ASB18: variants seen among roughly 807,000 people sequenced by gnomAD.
ASB18 encodes ankyrin repeat and SOCS box containing 18.
A neutral mutation model predicts 33.4 loss-of-function variants in ASB18; 33 were observed. The observed-to-expected ratio is 0.99, with a 90% CI of 0.75 to 1.32. The LOEUF (loss-of-function observed/expected upper bound fraction) is 1.32, where lower values mean the gene tolerates loss of function less well. Among genes scored for constraint, ASB18 ranks in the 40% most tolerant of loss-of-function variants. The probability of loss-of-function intolerance (pLI) is 0.00; values close to 1 mark genes in which losing one functional copy is unlikely to be tolerated. For synonymous variants in ASB18, 295 were observed against 307.6 expected (o/e 0.96, Z 0.43); for missense variants, 694 against 655.5 (o/e 1.06, Z -0.64).
chr2:236,227,429 T>C (rs2060545970), intron 3 of ASB18, among the ~76,000 whole-genome samples: 1 of 152,240 alleles, frequency 6.6e-6, no homozygotes, highest in South Asian at 2.1e-4. Flanking sequence ...CTAGGTGCTC[T>C]TCTAAGCAAA....
At position 236,259,595 on chromosome 2, in the gene ASB18, C is replaced by T. The variant is rs1198219299; in HGVS notation, c.205+4546G>A. ...GCATGGGGTCGGAAGGATGAGATGG[C>T]AAAGGTGAGCAGAGGAGGTGCAGCC... On this transcript the variant is annotated intron_variant, in intron 1 of 5. Transcript: ENST00000409749. The surrounding 1 kb of genome is among the most constrained non-coding windows in gnomAD (Gnocchi z 4.4). 2 of 471,034 alleles carry T rather than the reference C, an allele frequency of 4.2e-6. No individual in the cohort carries two copies. Among genetic ancestry groups the T allele is most frequent in the Admixed American group, 4.7e-5 (2 of 42,562 alleles). 29.2% of individuals were successfully genotyped at this position (471,034 alleles called of 1,614,324 possible).
Position 236,214,777 on chromosome 2 carries a change from C to T in ASB18, c.686G>A (p.Arg229His), listed in dbSNP as rs1015310630. Residue 229 changes from arginine to histidine, a missense_variant, in exon 4 of 6, where the codon CGC becomes CAC. By Grantham distance (29) the Arg-to-His change is conservative. Coordinates refer to ENST00000409749, the MANE Select transcript of ASB18 (RefSeq NM_212556.4). The surrounding 1 kb of genome is among the most constrained non-coding windows in gnomAD (Gnocchi z 6.5). ...CAGGCGCGCGTGCTCGTCCAGGCCG[C>T]GCTGCGCCGCCACGTGCAGCGGCGT... is the stretch of plus-strand genomic sequence containing the variant. ...RDTPLHVAAQ[R>H]GLDEHARLYL... 16 of 1,195,238 alleles carry T rather than the reference C, an allele frequency of 1.3e-5. No homozygotes were observed. The highest frequency in any genetic ancestry group is 1.6e-5 in the Non-Finnish European group (15 of 964,312). The allele number at this position is 1,195,238 out of a possible 1,614,324, so 74.0% of individuals were successfully genotyped here.
In ASB18 at chr2:236,234,123, C is replaced by G. The variant is rs889985607; in HGVS notation, c.596+3566G>C. Among the ~76,000 whole-genome samples the G allele has an allele frequency of 1.3e-5, 2 of 152,224 alleles. No homozygotes were observed. The highest frequency in any genetic ancestry group is 2.9e-5 in the Non-Finnish European group (2 of 68,040). On this transcript the variant is annotated intron_variant, in intron 3 of 5. Transcript: ENST00000409749. This position sits in a 1 kb window ranked among gnomAD's most constrained non-coding sequence, Gnocchi z 4.1. ...GGCACCTTGGTGACCCTGCACATAT[C>G]CACATAGGCCACAAAGCAAAACTGG...
chr2:236,215,214 A>T lies in ASB18; in HGVS notation c.597-348T>A, dbSNP rs1211572135. 2.0e-5 allele frequency among the ~76,000 whole-genome samples: 3 copies of T among 152,010 alleles called. No homozygotes were observed. The highest frequency in any genetic ancestry group is 1.3e-4 in the Admixed American group (2 of 15,256). ...ACTGGTTACCTGAGCTCTTTGTCACACCTGGAGGTTAAGGGTTTGGCAGTC... is the reference window on the plus strand; with the variant it reads ...ACTGGTTACCTGAGCTCTTTGTCACTCCTGGAGGTTAAGGGTTTGGCAGTC... On this transcript the variant is annotated intron_variant, in intron 3 of 5. Coordinates refer to ENST00000409749, the MANE Select transcript of ASB18 (RefSeq NM_212556.4). The surrounding 1 kb of genome is among the most constrained non-coding windows in gnomAD (Gnocchi z 7.2).
intron 4 of ASB18, among the ~76,000 whole-genome samples, chr2:236,199,558 G>A (rs2060389403): frequency 6.7e-6 from 1 of 148,998 alleles, no homozygotes; most frequent in African/African-American, 2.5e-5. Flanking sequence ...TATCAGAGAG[G>A]GATATATATG....
In ASB18 at chr2:236,236,975, G is replaced by A. The variant is rs1034513022; in HGVS notation, c.596+714C>T. 5.6e-4 allele frequency among the ~76,000 whole-genome samples: 85 copies of A among 152,280 alleles called. 1 individual carries two copies. The highest frequency in any genetic ancestry group is 2.0e-3 in the African/African-American group (85 of 41,574). ...CTGTGCAAAGACAGGTGGCCCCGCT[G>A]CCTTTCCGAGACCCGGAGCACACGC... On this transcript the variant is annotated intron_variant, in intron 3 of 5. Transcript: ENST00000409749.
rs1156316940 is a variant in ASB18 at position 236,248,615 on chromosome 2, A to G, written c.206-7213T>C. 6.6e-6 allele frequency: 1 copy of G among 152,188 alleles called. No individual in the cohort carries two copies. The highest frequency in any genetic ancestry group is 1.9e-4 in the East Asian group (1 of 5,202). 9.4% of individuals were successfully genotyped at this position (152,188 alleles called of 1,614,324 possible). Reference sequence around the variant, plus strand: ...CTCAAAAAAAAAAAAAAGAAAGAAAAAAGAGTCCCCAGGTACTTCTAACAT... The same window carrying G: ...CTCAAAAAAAAAAAAAAGAAAGAAAGAAGAGTCCCCAGGTACTTCTAACAT... On this transcript the variant is annotated intron_variant, in intron 1 of 5. Coordinates refer to ENST00000409749, the MANE Select transcript of ASB18 (RefSeq NM_212556.4). This position sits in a 1 kb window ranked among gnomAD's most constrained non-coding sequence, Gnocchi z 4.9.
In ASB18 at chr2:236,216,135, G is replaced by A. The variant is rs978679312; in HGVS notation, c.597-1269C>T. 6.6e-5 allele frequency among the ~76,000 whole-genome samples: 10 copies of A among 152,094 alleles called. No individual in the cohort carries two copies. Among genetic ancestry groups the A allele is most frequent in the South Asian group, 2.1e-4 (1 of 4,804 alleles). On this transcript the variant is annotated intron_variant, in intron 3 of 5. Transcript: ENST00000409749. The surrounding 1 kb of genome is among the most constrained non-coding windows in gnomAD (Gnocchi z 6.1). ...TCTTCACCCCCCTCCTTTTCTCTGC[G>A]GGTCTGCCGAGCCCTGTTGGAGGAC...
rs561049373 is a variant in ASB18 at position 236,205,152 on chromosome 2, G to A, written c.1102-8767C>T. Among the ~76,000 whole-genome samples, 39 of 152,290 alleles carry A rather than the reference G, an allele frequency of 2.6e-4. No homozygotes were observed. In the South Asian group the frequency reaches 5.4e-3, roughly 21 times the overall value. The stretch of plus-strand genomic sequence containing the variant: ...TCTTTACAAAATATTGTTGGATTGC[G>A]TCACTCCTCTGCTCAAATCCCTCCA... On this transcript the variant is annotated intron_variant, in intron 4 of 5. Transcript: ENST00000409749. This position sits in a 1 kb window ranked among gnomAD's most constrained non-coding sequence, Gnocchi z 5.4.
At position 236,213,943 on chromosome 2, in the gene ASB18, A is replaced by G. The variant is rs1384975405; in HGVS notation, c.1101+419T>C. 1 of 176,484 alleles carries G rather than the reference A, an allele frequency of 5.7e-6. No individual in the cohort carries two copies. The highest frequency in any genetic ancestry group is 1.2e-5 in the Non-Finnish European group (1 of 83,898). The allele number at this position is 176,484 out of a possible 1,614,324, so 10.9% of individuals were successfully genotyped here. ...TTTCAGATCAAATGCCAGATGTGGC[A>G]AAAGACTGATTTTCATCGTTCTGAA... On this transcript the variant is annotated intron_variant, in intron 4 of 5. Transcript: ENST00000409749. This position sits in a 1 kb window ranked among gnomAD's most constrained non-coding sequence, Gnocchi z 4.8.
Position 236,217,730 on chromosome 2 carries a change from C to T in ASB18, c.597-2864G>A, listed in dbSNP as rs538915182. 4.6e-5 allele frequency among the ~76,000 whole-genome samples: 7 copies of T among 152,294 alleles called. No individual in the cohort carries two copies. The South Asian group carries it at 6.2e-4, about 14-fold the overall frequency. On this transcript the variant is annotated intron_variant, in intron 3 of 5. Transcript: ENST00000409749. This position sits in a 1 kb window ranked among gnomAD's most constrained non-coding sequence, Gnocchi z 5.2. ...TTTAAATTCTCCCTTTGGATTGTCTCGTTTCTACATCAGCAGTGTCTTGAG... is the reference window on the plus strand; with the variant it reads ...TTTAAATTCTCCCTTTGGATTGTCTTGTTTCTACATCAGCAGTGTCTTGAG...
rs2060610596 is a variant in ASB18 at position 236,239,327 on chromosome 2, C to T, written c.329-1371G>A. Among the ~76,000 whole-genome samples the T allele has an allele frequency of 6.6e-6, 1 of 152,262 alleles. No individual in the cohort carries two copies. Among genetic ancestry groups the T allele is most frequent in the Non-Finnish European group, 1.5e-5 (1 of 68,018 alleles). On this transcript the variant is annotated intron_variant, in intron 2 of 5. Coordinates refer to ENST00000409749, the MANE Select transcript of ASB18 (RefSeq NM_212556.4). The surrounding 1 kb of genome is among the most constrained non-coding windows in gnomAD (Gnocchi z 5.6). ...CGCTCAGTAAACCCACCCTGGATTC[C>T]TGAGTCTTCTCAGGGACTGATGGGG... is the stretch of plus-strand genomic sequence containing the variant.
rs1029202217 is a variant in ASB18 at position 236,260,240 on chromosome 2, C to A, written c.205+3901G>T. On this transcript the variant is annotated intron_variant, in intron 1 of 5. Coordinates refer to ENST00000409749, the MANE Select transcript of ASB18 (RefSeq NM_212556.4). The surrounding 1 kb of genome is among the most constrained non-coding windows in gnomAD (Gnocchi z 5.1). ...GAAACCTCTTCCCTCTTCTTTCCCC[C>A]AGGTACTTTTGCCAACATGACCCTC... Among the ~76,000 whole-genome samples, 5 of 152,172 alleles carry A rather than the reference C, an allele frequency of 3.3e-5. No individual in the cohort carries two copies. The highest frequency in any genetic ancestry group is 6.5e-5 in the Admixed American group (1 of 15,284).
At chr2:236,218,733 G>A (rs957132342) in intron 3 of ASB18, among the ~76,000 whole-genome samples, 2 of 147,154 alleles carry the variant, frequency 1.4e-5, no homozygotes, top group African/African-American at 5.0e-5. Context: ...GGGAGGCGGA[G>A]CTTGCAGTGA....
At position 236,225,082 on chromosome 2, in the gene ASB18, GC is replaced by G. The variant is rs1282527704; in HGVS notation, c.597-10217del. ...CCCCCCACCCATAAGATAATTAGCTGCTTTTATAGATCCAACTCCAGCTCAT... is the reference window on the plus strand; with the variant it reads ...CCCCCCACCCATAAGATAATTAGCTGTTTTATAGATCCAACTCCAGCTCAT... On this transcript the variant is annotated intron_variant, in intron 3 of 5. Transcript: ENST00000409749. The surrounding 1 kb of genome is among the most constrained non-coding windows in gnomAD (Gnocchi z 5.1). 9.2e-5 allele frequency among the ~76,000 whole-genome samples: 14 copies of G among 152,108 alleles called. No homozygotes were observed. Among genetic ancestry groups the G allele is most frequent in the African/African-American group, 2.7e-4 (11 of 41,412 alleles).
rs563766697 is a variant in ASB18, at chr2:236,260,162, T to G, written c.205+3979A>C. 2.2e-4 allele frequency among the ~76,000 whole-genome samples: 33 copies of G among 152,294 alleles called. No homozygotes were observed. The highest frequency in any genetic ancestry group is 3.4e-3 in the Middle Eastern group (1 of 294). On this transcript the variant is annotated intron_variant, in intron 1 of 5. Coordinates refer to ENST00000409749, the MANE Select transcript of ASB18 (RefSeq NM_212556.4). This position sits in a 1 kb window ranked among gnomAD's most constrained non-coding sequence, Gnocchi z 5.1. ...TTCTTTTTCTTATTTTTTCACATTG[T>G]CATCTTTAGAATAAAACTCAGAGTT...
rs1361834830 is a variant in ASB18 at position 236,204,222 on chromosome 2, T to C, written c.1102-7837A>G. Among the ~76,000 whole-genome samples the C allele has an allele frequency of 6.6e-6, 1 of 152,220 alleles. No individual in the cohort carries two copies. Among genetic ancestry groups the C allele is most frequent in the Non-Finnish European group, 1.5e-5 (1 of 68,046 alleles). ...CTTACCAATGGCACCAATGCTGCTC[T>C]TGGCCCAGGCTCTGCCTCGCCAGTG... is the stretch of plus-strand genomic sequence containing the variant. On this transcript the variant is annotated intron_variant, in intron 4 of 5. Coordinates refer to ENST00000409749, the MANE Select transcript of ASB18 (RefSeq NM_212556.4). This position sits in a 1 kb window ranked among gnomAD's most constrained non-coding sequence, Gnocchi z 5.1.
At chr2:236,230,353 T>C (rs1321206759) in intron 3 of ASB18, among the ~76,000 whole-genome samples, 1 of 149,714 alleles carries the variant, frequency 6.7e-6, no homozygotes, top group Non-Finnish European at 1.5e-5. Context: ...CAAGAAATGT[T>C]AAAGAAAGCA....
chr2:236,259,041 G>A lies in ASB18; in HGVS notation c.205+5100C>T, dbSNP rs1285495057. On this transcript the variant is annotated intron_variant, in intron 1 of 5. Transcript: ENST00000409749. This position sits in a 1 kb window ranked among gnomAD's most constrained non-coding sequence, Gnocchi z 4.4. ...ATTGTACAGTTGATGCATTTGGGGG[G>A]CGAGATGGGTCTCACTGCCCCTCCC... 6.6e-6 allele frequency among the ~76,000 whole-genome samples: 1 copy of A among 152,282 alleles called. No individual in the cohort carries two copies. The highest frequency in any genetic ancestry group is 1.5e-5 in the Non-Finnish European group (1 of 68,018).
Sources: gnomAD v4.1 joint callset for allele counts (sites outside exome capture counted in the v4.1 genomes callset) on GRCh38, gnomAD v4.1.1 for gene constraint, Gnocchi (gnomAD v3.1) non-coding constraint, MANE v1.5 for transcripts, NCBI Gene and HGNC (gene_info 2026-07-23, HGNC 2026-07-21) for gene names.